Variants in ARHGAP26 observed in about 807,000 individuals in gnomAD.
ARHGAP26 encodes the protein Rho GTPase activating protein 26, also known as rho GTPase-activating protein 26.
Under a neutral mutation model 104.8 loss-of-function variants are expected in ARHGAP26, and 38 were observed. That is an observed-to-expected ratio of 0.36 (90% confidence interval 0.28 to 0.48). ARHGAP26 has a LOEUF of 0.48. ARHGAP26 is among the 20% of genes least tolerant of loss of function. The pLI, the probability that ARHGAP26 is intolerant of heterozygous loss-of-function variation, is 0.99. For synonymous variants in ARHGAP26, 341 were observed against 340.0 expected, an observed-to-expected ratio of 1.00 and a Z score of -0.03; for missense variants, 704 against 947.9, an observed-to-expected ratio of 0.74 and a Z score of 3.38.
chr5:142,838,509 C>T (rs999467144), intron 1 of ARHGAP26, among the ~76,000 whole-genome samples: 3 of 152,196 alleles, frequency 2.0e-5, no homozygotes, highest in East Asian at 1.9e-4. Flanking sequence ...GGTTTAGCCA[C>T]GCTTATTGGC....
intron 1 of ARHGAP26, among the ~76,000 whole-genome samples, chr5:142,803,543 A>G (rs1031732431): frequency 1.4e-4 from 21 of 152,242 alleles, no homozygotes; most frequent in Admixed American, 5.2e-4. Context: ...CATAGCAGCC[A>G]AACATTTTTG....
At chr5:143,159,229 C>T (rs1369134258) in intron 20 of ARHGAP26, among the ~76,000 whole-genome samples, 3 of 152,196 alleles carry the variant, frequency 2.0e-5, no homozygotes, top group Non-Finnish European at 4.4e-5. Flanking sequence ...CTAAAGAGCT[C>T]CCCATTGGTG....
chr5:142,930,219 C>T (rs1021222815), intron 10 of ARHGAP26, among the ~76,000 whole-genome samples: 4 of 152,098 alleles, frequency 2.6e-5, no homozygotes, highest in South Asian at 2.1e-4. Flanking sequence ...GCTATTAAGA[C>T]GTCATACTTG....
chr5:142,953,902 G>C (rs974576692), intron 11 of ARHGAP26, among the ~76,000 whole-genome samples: 1 of 152,146 alleles, frequency 6.6e-6, no homozygotes, highest in Non-Finnish European at 1.5e-5. Context: ...GGTTGACATC[G>C]TCCATTTGGG....
intron 1 of ARHGAP26, among the ~76,000 whole-genome samples, chr5:142,835,650 T>G (rs1036583023): frequency 1.3e-5 from 2 of 152,244 alleles, no homozygotes; most frequent in African/African-American, 4.8e-5. Flanking sequence ...TGGATCCTTT[T>G]TATTGAGCAT....
intron 1 of ARHGAP26, among the ~76,000 whole-genome samples, chr5:142,844,636 G>A (rs893267266): frequency 6.7e-6 from 1 of 149,940 alleles, no homozygotes; most frequent in African/African-American, 2.4e-5. Flanking sequence ...AGGCCAAGGC[G>A]GTGGATCACC....
chr5:143,211,578 C>CT (rs71741022), intron 21 of ARHGAP26, among the ~76,000 whole-genome samples: 474 of 143,940 alleles, frequency 3.3e-3, no homozygotes, highest in African/African-American at 4.3e-3. Flanking sequence ...TACCTACTTA[C>CT]TTTTTTTTTT....
chr5:143,044,452 G>A (rs144895876), intron 14 of ARHGAP26, among the ~76,000 whole-genome samples: 130 of 152,250 alleles, frequency 8.5e-4, no homozygotes, highest in African/African-American at 3.0e-3. Flanking sequence ...GTTGGCAGAA[G>A]GCTCCAGCGA....
intron 11 of ARHGAP26, among the ~76,000 whole-genome samples, chr5:142,996,788 G>A (rs551786386): frequency 6.6e-6 from 1 of 152,246 alleles, no homozygotes; most frequent in South Asian, 2.1e-4. Context: ...AGATTTAGAG[G>A]TGGGGCACCA....
At position 142,811,124 on chromosome 5, in the gene ARHGAP26, T is replaced by C. The variant is rs576084497; in HGVS notation, c.154+40209T>C. Among the ~76,000 whole-genome samples, 13 of 152,330 alleles carry C rather than the reference T, an allele frequency of 8.5e-5. No individual in the cohort carries two copies. In the East Asian group the frequency reaches 2.3e-3, roughly 27 times the overall value. On this transcript the variant is annotated intron_variant, in intron 1 of 22. Coordinates refer to ENST00000645722, the MANE Select transcript of ARHGAP26 (RefSeq NM_001135608.3). Reference sequence around the variant, plus strand: ...TTGTGGCTACTCTGTGCCCTGCCAATGGAAGTAAAAATAGACCTACCTCCT... The same window carrying C: ...TTGTGGCTACTCTGTGCCCTGCCAACGGAAGTAAAAATAGACCTACCTCCT...
At chr5:142,842,288 G>A (rs1770965871) in intron 1 of ARHGAP26, among the ~76,000 whole-genome samples, 1 of 152,078 alleles carries the variant, frequency 6.6e-6, no homozygotes, top group East Asian at 1.9e-4. Flanking sequence ...GTTCTGAAGC[G>A]GCATGTTTCT....
chr5:143,178,375 G>T (rs1803802525), intron 20 of ARHGAP26, among the ~76,000 whole-genome samples: 1 of 152,194 alleles, frequency 6.6e-6, no homozygotes. Flanking sequence ...TCTTTCTGTT[G>T]AATCAGTACC....
In ARHGAP26 at chr5:143,144,316, C is replaced by A. The variant is rs570529705; in HGVS notation, c.1838-2915C>A. The stretch of plus-strand genomic sequence containing the variant: ...GTCTTCTAGGCTGCCTGTTCTTGTG[C>A]GCTTCTGTCAGGAGCAGTACTCATT... On this transcript the variant is annotated intron_variant, in intron 19 of 22. Transcript: ENST00000645722. Among the ~76,000 whole-genome samples the A allele has an allele frequency of 3.3e-5, 5 of 152,248 alleles. No individual in the cohort carries two copies. The South Asian group carries it at 8.3e-4, about 25-fold the overall frequency.
rs140184844 is a variant in ARHGAP26, at chr5:142,944,128, G to T, written c.1107+12003G>T. On this transcript the variant is annotated intron_variant, in intron 11 of 22. Coordinates refer to ENST00000645722, the MANE Select transcript of ARHGAP26 (RefSeq NM_001135608.3). ...CTATCCTCAGCTCTAATGTGAGGGA[G>T]AAGTCCCTCTCTAGAGTTAAAAGTG... Among the ~76,000 whole-genome samples the T allele has an allele frequency of 3.3e-5, 5 of 152,318 alleles. No homozygotes were observed. The East Asian group carries it at 9.6e-4, about 29-fold the overall frequency.
At chr5:143,219,902 A>G (rs1222259776) in intron 22 of ARHGAP26, among the ~76,000 whole-genome samples, 1 of 152,248 alleles carries the variant, frequency 6.6e-6, no homozygotes, top group East Asian at 1.9e-4. Context: ...TTGAAGCCTC[A>G]GTGAGTCAGC....
chr5:142,887,138 T>C (rs1403969086), intron 5 of ARHGAP26, among the ~76,000 whole-genome samples: 1 of 152,204 alleles, frequency 6.6e-6, no homozygotes, highest in Non-Finnish European at 1.5e-5. Flanking sequence ...ACAAAGGTGC[T>C]TCTCCACCAG....
intron 20 of ARHGAP26, among the ~76,000 whole-genome samples, chr5:143,160,475 G>GTTTTTTT (rs11422894): frequency 2.7e-5 from 4 of 149,680 alleles, no homozygotes; most frequent in Non-Finnish European, 5.9e-5. Flanking sequence ...GCTTTTGGTG[G>GTTTTTTT]TTTTTTTTTC....
At chr5:142,943,508 A>G (rs996752764) in intron 11 of ARHGAP26, among the ~76,000 whole-genome samples, 3 of 152,148 alleles carry the variant, frequency 2.0e-5, no homozygotes, top group Admixed American at 1.3e-4. Flanking sequence ...GAGGGCACCC[A>G]TCCCATTCAT....
chr5:142,941,104 T>C lies in ARHGAP26; in HGVS notation c.1107+8979T>C, dbSNP rs1196123029. 6.7e-5 allele frequency among the ~76,000 whole-genome samples: 7 copies of C among 104,716 alleles called. 1 individual carries two copies. Among genetic ancestry groups the C allele is most frequent in the Non-Finnish European group, 1.1e-4 (6 of 52,782 alleles). The allele number at this position is 104,716 out of a possible 152,430, so 68.7% of individuals were successfully genotyped here. ...AAAAAAAAAAAAAAAAAAAAAAGAATCTATATTCCATTGGGTATATACCCA... is the reference window on the plus strand; with the variant it reads ...AAAAAAAAAAAAAAAAAAAAAAGAACCTATATTCCATTGGGTATATACCCA... On this transcript the variant is annotated intron_variant, in intron 11 of 22. Coordinates refer to ENST00000645722, the MANE Select transcript of ARHGAP26 (RefSeq NM_001135608.3).
Sources: gnomAD v4.1 joint callset for allele counts (sites outside exome capture counted in the v4.1 genomes callset) on GRCh38, gnomAD v4.1.1 for gene constraint, MANE v1.5 for transcripts, NCBI Gene and HGNC (gene_info 2026-07-23, HGNC 2026-07-21) for gene names.